The following TTLL11 variants were observed in gnomAD, a reference collection of about 807,000 sequenced individuals.
The protein encoded by TTLL11 is tubulin tyrosine ligase like 11.
TTLL11 carries 42 observed loss-of-function variants against 51.7 expected under a neutral mutation model. That is an observed-to-expected ratio of 0.81 (90% CI 0.64 to 1.05). TTLL11 has a LOEUF of 1.05. TTLL11 is among the 50% of genes least tolerant of loss of function. The pLI is 0.00. For synonymous variants in TTLL11, 381 were observed against 383.5 expected (o/e 0.99, Z 0.08); for missense variants, 799 against 940.4 (o/e 0.85, Z 1.97).
intron 1 of TTLL11, among the ~76,000 whole-genome samples, chr9:122,062,057 A>T (rs189446785): frequency 2.6e-5 from 4 of 152,340 alleles, no homozygotes; most frequent in African/African-American, 7.2e-5. Context: ...TCTGGATGTT[A>T]AAATACTCAC....
At chr9:122,022,481 A>G (rs1844210956) in intron 3 of TTLL11, among the ~76,000 whole-genome samples, 1 of 152,096 alleles carries the variant, frequency 6.6e-6, no homozygotes, top group Admixed American at 6.5e-5. Context: ...GAAGAGCAAT[A>G]TATTAAAAGT....
At chr9:121,947,539 C>T (rs544646760) in intron 6 of TTLL11, among the ~76,000 whole-genome samples, 1 of 152,280 alleles carries the variant, frequency 6.6e-6, no homozygotes, top group African/African-American at 2.4e-5. Context: ...CTGCATGCTG[C>T]TATGGGTTGG....
chr9:121,983,305 G>A (rs904197668), intron 4 of TTLL11, among the ~76,000 whole-genome samples: 18 of 152,172 alleles, frequency 1.2e-4, no homozygotes, highest in African/African-American at 3.6e-4. Flanking sequence ...GACTTTGGAC[G>A]TGTTCAGTGT....
chr9:121,888,696 AG>A (rs1334928026), intron 6 of TTLL11, among the ~76,000 whole-genome samples: 2 of 152,242 alleles, frequency 1.3e-5, no homozygotes, highest in Non-Finnish European at 2.9e-5. Context: ...AACTACGAGC[AG>A]GGGGGTGCTA....
At chr9:121,960,726 T>C (rs547634650) in intron 6 of TTLL11, among the ~76,000 whole-genome samples, 1 of 152,236 alleles carries the variant, frequency 6.6e-6, no homozygotes, top group East Asian at 1.9e-4. Flanking sequence ...TGCAGAGGCA[T>C]GGCGCAGTCC....
chr9:121,840,654 C>T (rs573562863), intron 8 of TTLL11, among the ~76,000 whole-genome samples: 2 of 152,302 alleles, frequency 1.3e-5, no homozygotes, highest in East Asian at 3.9e-4. Flanking sequence ...CCTCAGCCTC[C>T]CAAAGTGCTG....
intron 6 of TTLL11, among the ~76,000 whole-genome samples, chr9:121,944,208 A>G (rs1251819889): frequency 6.6e-6 from 1 of 152,204 alleles, no homozygotes; most frequent in African/African-American, 2.4e-5. Flanking sequence ...TAGTATAGCA[A>G]GAAAATATTG....
In TTLL11 at chr9:121,822,771, T is replaced by C. The variant is rs755309273; in HGVS notation, c.1949A>G (p.Tyr650Cys). The change falls in exon 9 of 9, where the codon TAC becomes TGC. Residue 650 changes from tyrosine (Y) to cysteine (C), a missense_variant. By Grantham distance (194) the Tyr-to-Cys change is radical. Transcript: ENST00000321582. This position sits in a 1 kb window ranked among gnomAD's most constrained non-coding sequence, Gnocchi z 5.8. ...QVASLIDLCEYHLSLLDEKRL... is the reference protein window; with the variant it reads ...QVASLIDLCECHLSLLDEKRL... The stretch of plus-strand genomic sequence containing the variant: ...TTTTTCATCCAGCAGGGACAGGTGG[T>C]ACTCGCAAAGGTCAATCAGTGAGGC... The C allele has an allele frequency of 1.6e-5, 25 of 1,551,478 alleles. No individual in the cohort carries two copies. In the South Asian group the frequency reaches 3.0e-4, roughly 18 times the overall value.
At chr9:121,876,952 AGGGCAGTTGTAAT>A (rs1232097847) in intron 6 of TTLL11, among the ~76,000 whole-genome samples, 2 of 152,244 alleles carry the variant, frequency 1.3e-5, no homozygotes, top group African/African-American at 4.8e-5. Context: ...GACCTAAACT[AGGGCAGTTGTAAT>A]GGGCATAGAG....
chr9:121,994,926 A>G (rs1843209917), intron 3 of TTLL11, among the ~76,000 whole-genome samples: 1 of 152,168 alleles, frequency 6.6e-6, no homozygotes, highest in South Asian at 2.1e-4. Flanking sequence ...AATCAACAAA[A>G]CTGGATGACT....
intron 6 of TTLL11, among the ~76,000 whole-genome samples, chr9:121,915,864 A>G (rs2131511128): frequency 6.6e-6 from 1 of 152,216 alleles, no homozygotes; most frequent in South Asian, 2.1e-4. Context: ...GTTGGCCCCC[A>G]AACATTCTCA....
chr9:122,006,571 C>T (rs1380914410), intron 3 of TTLL11, among the ~76,000 whole-genome samples: 1 of 152,128 alleles, frequency 6.6e-6, no homozygotes, highest in African/African-American at 2.4e-5. Flanking sequence ...TATTGTCTCA[C>T]TTTTCTTATA....
chr9:121,897,640 A>ACACACACACGCGCG (rs111331446), intron 6 of TTLL11, among the ~76,000 whole-genome samples: 1 of 139,292 alleles, frequency 7.2e-6, no homozygotes, highest in Non-Finnish European at 1.6e-5. Flanking sequence ...ACACACACAC[A>ACACACACACGCGCG]CGCGCGCGCG....
intron 6 of TTLL11, among the ~76,000 whole-genome samples, chr9:121,960,287 T>G (rs985390239): frequency 8.5e-5 from 13 of 152,224 alleles, no homozygotes; most frequent in Non-Finnish European, 1.6e-4. Context: ...TCATGCATTT[T>G]CATTGACGTA....
At chr9:121,945,841 C>T (rs1446953294) in intron 6 of TTLL11, among the ~76,000 whole-genome samples, 2 of 144,696 alleles carry the variant, frequency 1.4e-5, no homozygotes, top group African/African-American at 5.0e-5. Flanking sequence ...CTGGAAATTA[C>T]AAACACACTC....
At chr9:121,915,454 C>G (rs779734760) in intron 6 of TTLL11, among the ~76,000 whole-genome samples, 4 of 152,084 alleles carry the variant, frequency 2.6e-5, no homozygotes, top group Non-Finnish European at 5.9e-5. Context: ...TCTGACTTCC[C>G]GATACATCTC....
intron 1 of TTLL11, among the ~76,000 whole-genome samples, chr9:122,071,970 C>T (rs1845741160): frequency 6.6e-6 from 1 of 152,186 alleles, no homozygotes; most frequent in South Asian, 2.1e-4. Flanking sequence ...ACTTCCAACT[C>T]ACCACTGCAA....
chr9:121,870,026 T>TATA (rs1488928796), intron 7 of TTLL11, among the ~76,000 whole-genome samples: 1 of 152,262 alleles, frequency 6.6e-6, no homozygotes, highest in East Asian at 1.9e-4. Flanking sequence ...ATGCTATTTT[T>TATA]ATATTAGAAC....
chr9:121,920,605 A>G lies in TTLL11; in HGVS notation c.1482-49857T>C, dbSNP rs147596041. 1.9e-3 allele frequency among the ~76,000 whole-genome samples: 286 copies of G among 152,332 alleles called. 2 individuals carry two copies. The highest frequency in any genetic ancestry group is 3.1e-3 in the Non-Finnish European group (214 of 68,030). On this transcript the variant is annotated intron_variant, in intron 6 of 8. Coordinates refer to ENST00000321582, the MANE Select transcript of TTLL11 (RefSeq NM_001139442.2). Reference sequence around the variant, plus strand: ...AAGGTTGACATCCTTTTCTAAAGTGAGGTACCTAATAAGCTTCGTACCTGA... The same window carrying G: ...AAGGTTGACATCCTTTTCTAAAGTGGGGTACCTAATAAGCTTCGTACCTGA...
Sources: allele counts gnomAD v4.1 joint callset (sites outside exome capture counted in the v4.1 genomes callset), GRCh38; gene constraint gnomAD v4.1.1; non-coding constraint Gnocchi (gnomAD v3.1); transcripts MANE v1.5; gene names NCBI Gene and HGNC (gene_info 2026-07-23, HGNC 2026-07-21).